The following CSMD1 variants were observed in gnomAD, a reference collection of about 807,000 sequenced individuals.
The protein encoded by CSMD1 is CUB and sushi domain-containing protein 1.
In CSMD1, 213 loss-of-function variants were observed where a neutral mutation model predicts 417.5. The ratio of observed to expected loss-of-function variants is 0.51; its 90% CI spans 0.46 to 0.57. CSMD1 has a LOEUF of 0.57. Among genes scored for constraint, CSMD1 ranks in the 20% least tolerant of loss-of-function variants. The probability of loss-of-function intolerance (pLI) is 0.00; values close to 1 mark genes in which losing one functional copy is unlikely to be tolerated. For missense variants in CSMD1, 6,923 were observed against 4,529.7 expected (o/e 1.53, Z -15.17); for synonymous variants, 2,862 against 1,736.8 (o/e 1.65, Z -16.11).
At chr8:3,421,578 T>G (rs1007834996) in intron 12 of CSMD1, among the ~76,000 whole-genome samples, 3 of 152,238 alleles carry the variant, frequency 2.0e-5, no homozygotes, top group Admixed American at 6.5e-5. Flanking sequence ...CCTGTTTGAT[T>G]ATGTGTTAAA....
intron 3 of CSMD1, among the ~76,000 whole-genome samples, chr8:4,319,402 G>A (rs569995722): frequency 3.4e-4 from 51 of 152,072 alleles, no homozygotes; most frequent in African/African-American, 1.2e-3. Context: ...GCCCATAATC[G>A]ATACGTGAGC....
intron 3 of CSMD1, among the ~76,000 whole-genome samples, chr8:4,172,818 T>C (rs1797841442): frequency 6.6e-6 from 1 of 152,050 alleles, no homozygotes; most frequent in Non-Finnish European, 1.5e-5. Flanking sequence ...AGCCCCTGGA[T>C]ATGTCCATAT....
In CSMD1 at chr8:4,346,509, C is replaced by A. The variant is rs573888968; in HGVS notation, c.415+73444G>T. 2.0e-5 allele frequency among the ~76,000 whole-genome samples: 3 copies of A among 152,174 alleles called. No individual in the cohort carries two copies. The East Asian group carries it at 5.8e-4, about 29-fold the overall frequency. ...TCTGATAGCCTCATGACATTATTGT[C>A]TAAACTGAATTAAAATCCAGTTACA... On this transcript the variant is annotated intron_variant, in intron 3 of 69. Coordinates refer to ENST00000635120, the MANE Select transcript of CSMD1 (RefSeq NM_033225.6).
At chr8:3,028,069 G>A (rs1184401189) in intron 51 of CSMD1, among the ~76,000 whole-genome samples, 2 of 152,248 alleles carry the variant, frequency 1.3e-5, no homozygotes, top group Non-Finnish European at 2.9e-5. Context: ...TGGGAAATCA[G>A]AGAGACAAGA....
At chr8:4,656,439 G>C (rs1053372350) in intron 1 of CSMD1, among the ~76,000 whole-genome samples, 2 of 151,972 alleles carry the variant, frequency 1.3e-5, no homozygotes, top group African/African-American at 4.8e-5. Context: ...TATTATCCAC[G>C]TAAAGCTTAA....
At chr8:4,177,488 A>G (rs940328217) in intron 3 of CSMD1, among the ~76,000 whole-genome samples, 2 of 152,220 alleles carry the variant, frequency 1.3e-5, no homozygotes, top group Non-Finnish European at 2.9e-5. Context: ...GGAAAGATCC[A>G]AAATTGACAC....
chr8:4,056,049 T>C (rs1177321861), intron 3 of CSMD1, among the ~76,000 whole-genome samples: 1 of 150,252 alleles, frequency 6.7e-6, no homozygotes, highest in African/African-American at 2.4e-5. Flanking sequence ...AACTCAACCC[T>C]GAATCTCTGT....
intron 3 of CSMD1, among the ~76,000 whole-genome samples, chr8:4,368,610 TG>T (rs1285936543): frequency 3.3e-5 from 5 of 152,192 alleles, no homozygotes. Flanking sequence ...CCAGGACTTT[TG>T]GTTGGTAGGC....
At chr8:3,274,333 G>C (rs1802100379) in intron 26 of CSMD1, among the ~76,000 whole-genome samples, 1 of 152,152 alleles carries the variant, frequency 6.6e-6, no homozygotes, top group Admixed American at 6.6e-5. Context: ...TTGCTGAGGA[G>C]TGCTTTACTT....
chr8:3,706,917 T>C (rs1276230835), intron 7 of CSMD1, among the ~76,000 whole-genome samples: 2 of 152,208 alleles, frequency 1.3e-5, no homozygotes, highest in African/African-American at 4.8e-5. Context: ...TCCCATCCTT[T>C]TCCAATCTAA....
chr8:4,151,703 G>C (rs769172978), intron 3 of CSMD1, among the ~76,000 whole-genome samples: 1 of 152,128 alleles, frequency 6.6e-6, no homozygotes, highest in Non-Finnish European at 1.5e-5. Flanking sequence ...ATTTCCTCAA[G>C]CTCACACAGA....
intron 3 of CSMD1, among the ~76,000 whole-genome samples, chr8:4,180,176 C>G (rs980196845): frequency 6.6e-6 from 1 of 151,922 alleles, no homozygotes; most frequent in Non-Finnish European, 1.5e-5. Context: ...TGGAACCAAC[C>G]CAAATGTCCA....
At chr8:3,365,881 C>G (rs928853402) in intron 20 of CSMD1, among the ~76,000 whole-genome samples, 16 of 152,318 alleles carry the variant, frequency 1.1e-4, no homozygotes, top group Admixed American at 9.8e-4. Context: ...ATGAGTAACT[C>G]ATCTTACAGT....
rs372509834 is a variant in CSMD1, at chr8:3,998,037, G to C, written c.684C>G (p.Tyr228Ter). The change falls in exon 5 of 70, where the codon TAC becomes TAG. Residue 228 changes from tyrosine (Y) to a stop codon, truncating the protein, a stop_gained. Coordinates refer to ENST00000635120, the MANE Select transcript of CSMD1 (RefSeq NM_033225.6). LOFTEE classifies it high-confidence loss of function. Reference sequence around the variant, plus strand: ...TCCAGGTGCAGTCCGCGTTGTTCTCGTACTCTGAAGGGAAGTGCGGGCTGG... The same window carrying C: ...TCCAGGTGCAGTCCGCGTTGTTCTCCTACTCTGAAGGGAAGTGCGGGCTGG... ...SISSPHFPSEYENNADCTWTI... is the reference protein window; with the variant it reads ...SISSPHFPSE 2 of 1,602,850 alleles carry C rather than the reference G, an allele frequency of 1.2e-6. No individual in the cohort carries two copies. The highest frequency in any genetic ancestry group is 1.3e-5 in the African/African-American group (1 of 74,738).
chr8:4,701,049 C>A (rs752974412), intron 1 of CSMD1, among the ~76,000 whole-genome samples: 4 of 152,082 alleles, frequency 2.6e-5, no homozygotes, highest in Non-Finnish European at 5.9e-5. Flanking sequence ...AGTATGAGTA[C>A]ATAAAACATC....
intron 3 of CSMD1, among the ~76,000 whole-genome samples, chr8:4,236,302 C>T (rs1314828666): frequency 2.6e-5 from 4 of 151,918 alleles, no homozygotes; most frequent in African/African-American, 7.3e-5. Context: ...GAAACTAGAA[C>T]GCAGGAAACA....
chr8:4,381,694 T>G (rs1563114702), intron 3 of CSMD1, among the ~76,000 whole-genome samples: 1 of 152,186 alleles, frequency 6.6e-6, no homozygotes, highest in East Asian at 1.9e-4. Context: ...AGCAGATGCG[T>G]CAACATCTCC....
At chr8:4,059,013 C>T (rs903779556) in intron 3 of CSMD1, among the ~76,000 whole-genome samples, 1 of 152,036 alleles carries the variant, frequency 6.6e-6, no homozygotes, top group East Asian at 1.9e-4. Flanking sequence ...CACACCACAC[C>T]TATTCCAAAA....
intron 25 of CSMD1, among the ~76,000 whole-genome samples, chr8:3,287,843 A>G (rs1803273016): frequency 6.7e-6 from 1 of 149,906 alleles, no homozygotes; most frequent in Non-Finnish European, 1.5e-5. Context: ...CACTATGTTG[A>G]ATAGGACTGG....
Sources: gnomAD v4.1 joint callset for allele counts (sites outside exome capture counted in the v4.1 genomes callset) on GRCh38, gnomAD v4.1.1 for gene constraint, MANE v1.5 for transcripts, NCBI Gene and HGNC (gene_info 2026-07-23, HGNC 2026-07-21) for gene names.